The following POMK variants were observed in gnomAD, a reference collection of about 807,000 sequenced individuals.
POMK encodes protein O-mannose kinase.
In POMK, 19 loss-of-function variants were observed where a neutral mutation model predicts 23.0. The observed-to-expected ratio is 0.83, with a 90% CI of 0.58 to 1.21. The LOEUF (loss-of-function observed/expected upper bound fraction) is 1.21. Among genes scored for constraint, POMK ranks in the 50% most tolerant of loss-of-function variants. POMK has a pLI of 0.00. For synonymous variants in POMK, 173 were observed against 171.6 expected (o/e 1.01, Z -0.06); for missense variants, 410 against 431.3 (o/e 0.95, Z 0.44).
rs368112372 is a variant in POMK at position 43,099,784 on chromosome 8, G to T, written c.-118+2169G>T. Reference sequence around the variant, plus strand: ...ACACTGTTTGTAGTAATAGGAGAGTGCAGGAACCTGGGGTGGGGCTTGGGA... The same window carrying T: ...ACACTGTTTGTAGTAATAGGAGAGTTCAGGAACCTGGGGTGGGGCTTGGGA... On this transcript the variant is annotated intron_variant, in intron 2 of 4. Coordinates refer to ENST00000331373, the MANE Select transcript of POMK (RefSeq NM_032237.5). Among the ~76,000 whole-genome samples, 20 of 152,280 alleles carry T rather than the reference G, an allele frequency of 1.3e-4. 2 individuals are homozygous for T. Among genetic ancestry groups the T allele is most frequent in the East Asian group, 1.2e-3 (6 of 5,180 alleles).
Position 43,103,829 on chromosome 8 carries a change from G to T in POMK, c.281G>T (p.Arg94Ile), listed in dbSNP as rs778835046. The T allele has an allele frequency of 6.2e-7, 1 of 1,614,026 alleles. No homozygotes were observed. The highest frequency in any genetic ancestry group is 2.2e-5 in the East Asian group (1 of 44,882). Reference protein sequence around the residue: ...LKRVGEGAVKRVFLSEWKEHK... With the variant: ...LKRVGEGAVKIVFLSEWKEHK... ...CGTGTTGGGGAAGGAGCTGTAAAGA[G>T]AGTGAGTCCGGGTTCATTTGCGATT... Residue 94 changes from arginine to isoleucine, a missense_variant and splice_region_variant, in exon 4 of 5, where the codon AGA (arginine) becomes ATA (isoleucine). Coordinates refer to ENST00000331373, the MANE Select transcript of POMK (RefSeq NM_032237.5).
intron 4 of POMK, 50 bp from the exon 5 acceptor site, chr8:43,122,057 C>T: frequency 6.4e-7 from 1 of 1,557,412 alleles, no homozygotes; most frequent in Non-Finnish European, 8.8e-7. Context: ...TCTTTGGTCA[C>T]TAAATTAGGT....
At position 43,121,614 on chromosome 8, in the gene POMK, G is replaced by A. The variant is rs924180701; in HGVS notation, c.283-493G>A. On this transcript the variant is annotated intron_variant, in intron 4 of 4. Transcript: ENST00000331373. Reference sequence around the variant, plus strand: ...CTCTACGCCCTCATGTAGGCTTTTCGGGGTCTCCACACTTACCCACTTTTC... The same window carrying A: ...CTCTACGCCCTCATGTAGGCTTTTCAGGGTCTCCACACTTACCCACTTTTC... 6.6e-5 allele frequency among the ~76,000 whole-genome samples: 10 copies of A among 152,066 alleles called. 1 individual carries two copies. The South Asian group carries it at 8.3e-4, about 13-fold the overall frequency.
Position 43,122,693 on chromosome 8 carries a change from G to T in POMK, c.869G>T (p.Ser290Ile). 3.7e-6 allele frequency: 6 copies of T among 1,614,172 alleles called. No homozygotes were observed. The highest frequency in any genetic ancestry group is 5.1e-6 in the Non-Finnish European group (6 of 1,180,046). Residue 290 changes from serine (S) to isoleucine (I), a missense_variant, in exon 5 of 5, where the codon AGT (serine) becomes ATT (isoleucine). Transcript: ENST00000331373. ...IDIWKIPDISSFLLGHIEGSD... is the reference protein window; with the variant it reads ...IDIWKIPDISIFLLGHIEGSD... Reference sequence around the variant, plus strand: ...ATTTGGAAGATCCCAGACATCTCCAGTTTCCTTCTGGGGCACATTGAAGGG... The same window carrying T: ...ATTTGGAAGATCCCAGACATCTCCATTTTCCTTCTGGGGCACATTGAAGGG...
Position 43,122,382 on chromosome 8 carries a change from C to G in POMK, c.558C>G (p.Val186=), listed in dbSNP as rs1167439561. ...GGCTGGAGCTGGCCATGGACTATGT[C>G]AGCATCATTAATTACCTGCACCACA... is the stretch of plus-strand genomic sequence containing the variant. ...QHRLELAMDY[V]SIINYLHHSP... Residue 186 remains valine (V), a synonymous_variant, in exon 5 of 5, where the codon GTC becomes GTG. Transcript: ENST00000331373. 1.9e-6 allele frequency: 3 copies of G among 1,614,100 alleles called. No homozygotes were observed. The highest frequency in any genetic ancestry group is 2.2e-5 in the East Asian group (1 of 44,902).
chr8:43,119,985 ATT>A (rs1475597444), intron 4 of POMK, among the ~76,000 whole-genome samples: 3 of 139,038 alleles, frequency 2.2e-5, no homozygotes, highest in African/African-American at 5.4e-5. Flanking sequence ...AATTTTATAT[ATT>A]TTTGAGTTAA....
At chr8:43,101,576 T>G (rs568358796) in intron 2 of POMK, among the ~76,000 whole-genome samples, 10 of 152,294 alleles carry the variant, frequency 6.6e-5, no homozygotes, top group South Asian at 4.1e-4. Context: ...TGGTCCTCTT[T>G]CCTTGGAGAC....
At chr8:43,095,999 A>G (rs985743657) in intron 1 of POMK, among the ~76,000 whole-genome samples, 4 of 151,762 alleles carry the variant, frequency 2.6e-5, no homozygotes, top group African/African-American at 9.7e-5. Flanking sequence ...CGTGGAGCGA[A>G]CACAGGAGAG....
At chr8:43,117,079 G>A (rs995799559) in intron 4 of POMK, among the ~76,000 whole-genome samples, 3 of 152,308 alleles carry the variant, frequency 2.0e-5, no homozygotes, top group African/African-American at 4.8e-5. Context: ...TAATGTCATC[G>A]CTTAAGGCAA....
intron 4 of POMK, 86 bp from the exon 5 acceptor site, chr8:43,122,021 C>A: frequency 7.7e-7 from 1 of 1,302,576 alleles, no homozygotes. Context: ...CTGCAGAACA[C>A]CTGCCACTTA....
At chr8:43,099,159 C>T (rs1811390530) in intron 2 of POMK, among the ~76,000 whole-genome samples, 1 of 152,194 alleles carries the variant, frequency 6.6e-6, no homozygotes, top group Admixed American at 6.5e-5. Flanking sequence ...CTATGTTACC[C>T]TGGCTGGTCT....
intron 1 of POMK, among the ~76,000 whole-genome samples, chr8:43,093,940 C>T (rs1341491055): frequency 1.3e-5 from 2 of 152,176 alleles, no homozygotes; most frequent in Non-Finnish European, 2.9e-5. Context: ...TAGCCGGGCG[C>T]GGTGGCGCCG....
At chr8:43,094,322 C>G (rs1312866270) in intron 1 of POMK, among the ~76,000 whole-genome samples, 1 of 152,088 alleles carries the variant, frequency 6.6e-6, no homozygotes, top group Non-Finnish European at 1.5e-5. Context: ...CAGGCGTGAG[C>G]TACTGGGTCC....
intron 1 of POMK, among the ~76,000 whole-genome samples, chr8:43,094,466 T>C (rs1441606315): frequency 1.3e-5 from 2 of 152,232 alleles, no homozygotes; most frequent in Non-Finnish European, 2.9e-5. Flanking sequence ...CACGAGATCA[T>C]TGTTGCCAGG....
chr8:43,122,610 T>C lies in POMK; in HGVS notation c.786T>C (p.Tyr262=). The change falls in exon 5 of 5, where the codon TAT becomes TAC. Residue 262 remains tyrosine, a synonymous_variant. Coordinates refer to ENST00000331373, the MANE Select transcript of POMK (RefSeq NM_032237.5). ...DFVAPEQLWP[Y]GEDVPFHDDL... is the part of the protein sequence containing the mutation. ...TGGCTCCAGAGCAACTGTGGCCCTA[T>C]GGAGAGGACGTGCCTTTCCACGATG... 1 of 1,614,238 alleles carries C rather than the reference T, an allele frequency of 6.2e-7. No homozygotes were observed. Among genetic ancestry groups the C allele is most frequent in the Non-Finnish European group, 8.5e-7 (1 of 1,180,038 alleles).
intron 4 of POMK, among the ~76,000 whole-genome samples, chr8:43,110,504 C>T (rs1331040086): frequency 6.6e-6 from 1 of 152,228 alleles, no homozygotes; most frequent in African/African-American, 2.4e-5. Flanking sequence ...TGAATACGTT[C>T]ACAACTTACA....
chr8:43,103,651 TACCTCTGCCTCG>T lies in POMK; in HGVS notation c.107_118del (p.Leu36_Asp39del). ...CATGGCCCTGATGAATACTCTGCTC[TACCTCTGCCTCG>T]ACCACTTCTTCATCGCTCCTCGACA... On this transcript the variant is annotated inframe_deletion, in exon 4 of 5. Coordinates refer to ENST00000331373, the MANE Select transcript of POMK (RefSeq NM_032237.5). 1.2e-6 allele frequency: 2 copies of T among 1,614,056 alleles called. No individual in the cohort carries two copies. Among genetic ancestry groups the T allele is most frequent in the Non-Finnish European group, 8.5e-7 (1 of 1,180,024 alleles).
chr8:43,106,921 T>C (rs963064282), intron 4 of POMK, among the ~76,000 whole-genome samples: 1 of 152,182 alleles, frequency 6.6e-6, no homozygotes, highest in Non-Finnish European at 1.5e-5. Flanking sequence ...TTCTTCATGC[T>C]GACAGGGGGC....
At chr8:43,119,271 C>T (rs546888159) in intron 4 of POMK, among the ~76,000 whole-genome samples, 9 of 152,066 alleles carry the variant, frequency 5.9e-5, no homozygotes, top group African/African-American at 2.2e-4. Flanking sequence ...CTCAGTTGTT[C>T]GTATTAGAGC....
Sources: gnomAD v4.1 joint callset for allele counts (sites outside exome capture counted in the v4.1 genomes callset) on GRCh38, gnomAD v4.1.1 for gene constraint, MANE v1.5 for transcripts, NCBI Gene and HGNC (gene_info 2026-07-23, HGNC 2026-07-21) for gene names.